Variants in TMEM266 observed in about 807,000 individuals in gnomAD.
TMEM266 encodes Hv1 related protein 1.
In TMEM266, 33 loss-of-function variants were observed where a neutral mutation model predicts 50.5. The ratio of observed to expected loss-of-function variants is 0.65; its 90% confidence interval spans 0.50 to 0.87. The LOEUF is 0.87. TMEM266 is among the 40% of genes least tolerant of loss of function. The pLI is 0.00. For missense variants in TMEM266, 655 were observed against 695.1 expected (o/e 0.94, Z 0.65); for synonymous variants, 310 against 292.3 (o/e 1.06, Z -0.62).
At chr15:76,111,623 G>A (rs1473620022) in intron 1 of TMEM266, among the ~76,000 whole-genome samples, 2 of 151,638 alleles carry the variant, frequency 1.3e-5, no homozygotes, top group African/African-American at 4.9e-5. Context: ...GGGCAGGCTG[G>A]TCTCTAACTC....
intron 1 of TMEM266, among the ~76,000 whole-genome samples, chr15:76,130,252 AAACC>A (rs2037487668): frequency 1.1e-5 from 1 of 87,556 alleles, no homozygotes. Flanking sequence ...AAAAAAAAAA[AAACC>A]GCCGGGTGCA....
At chr15:76,192,783 T>C (rs1193282269) in intron 9 of TMEM266, among the ~76,000 whole-genome samples, 1 of 152,338 alleles carries the variant, frequency 6.6e-6, no homozygotes, top group African/African-American at 2.4e-5. Flanking sequence ...AGTTATGTGA[T>C]GGGACTCTCT....
intron 1 of TMEM266, among the ~76,000 whole-genome samples, chr15:76,079,831 T>C (rs549560567): frequency 1.8e-4 from 20 of 108,266 alleles, no homozygotes; most frequent in African/African-American, 6.7e-4. Flanking sequence ...TTTAGGGCGG[T>C]GGGGGGGTGG....
intron 8 of TMEM266, among the ~76,000 whole-genome samples, chr15:76,182,042 T>C (rs2038417903): frequency 6.6e-6 from 1 of 152,144 alleles, no homozygotes; most frequent in Non-Finnish European, 1.5e-5. Context: ...CAATCCGGGG[T>C]GACTCAAGGT....
intron 4 of TMEM266, 131 bp downstream of exon 4, chr15:76,156,889 C>A: frequency 1.0e-6 from 1 of 956,248 alleles, no homozygotes; most frequent in Non-Finnish European, 1.6e-6. Context: ...AGCCTCAGGC[C>A]CTGGGGCTCA....
At chr15:76,109,607 G>A (rs1043108286) in intron 1 of TMEM266, among the ~76,000 whole-genome samples, 8 of 152,152 alleles carry the variant, frequency 5.3e-5, no homozygotes, top group African/African-American at 1.4e-4. Flanking sequence ...GGCTCCATGA[G>A]CCATGATCCT....
intron 4 of TMEM266, among the ~76,000 whole-genome samples, chr15:76,159,859 A>G (rs182106817): frequency 9.2e-4 from 140 of 151,990 alleles, no homozygotes; most frequent in African/African-American, 3.0e-3. Flanking sequence ...AGAAGGAGGC[A>G]GTCCCTTGCG....
At chr15:76,191,926 G>GCC in intron 8 of TMEM266, 42 bp from the exon 9 acceptor site, 1 of 1,522,244 alleles carries the variant, frequency 6.6e-7, no homozygotes, top group Non-Finnish European at 8.7e-7. Flanking sequence ...GCCCCCGCCG[G>GCC]CCCCTCGCCG....
Position 76,169,251 on chromosome 15 carries a change from C to G in TMEM266, c.457-565C>G, listed in dbSNP as rs1343511678. ...GTAGTCACAAGGCCACTCCCAGATG[C>G]AAGGAGGGCTGGGAAATGTAGTCTT... On this transcript the variant is annotated intron_variant, in intron 5 of 10. Transcript: ENST00000388942. Among the ~76,000 whole-genome samples the G allele has an allele frequency of 2.0e-5, 3 of 152,030 alleles. No homozygotes were observed. The East Asian group carries it at 5.8e-4, about 29-fold the overall frequency.
At chr15:76,166,491 C>T (rs948123795) in intron 5 of TMEM266, among the ~76,000 whole-genome samples, 2 of 152,196 alleles carry the variant, frequency 1.3e-5, no homozygotes, top group Non-Finnish European at 1.5e-5. Flanking sequence ...GGGAAGGCAG[C>T]GGCTGGGATT....
chr15:76,084,422 A>G (rs750293217), intron 1 of TMEM266, among the ~76,000 whole-genome samples: 9 of 152,240 alleles, frequency 5.9e-5, no homozygotes, highest in Non-Finnish European at 1.0e-4. Context: ...CAAAGATGTA[A>G]AAAGACTTCA....
At chr15:76,094,550 G>C (rs1158868175) in intron 1 of TMEM266, among the ~76,000 whole-genome samples, 1 of 152,084 alleles carries the variant, frequency 6.6e-6, no homozygotes. Flanking sequence ...CAGGTGGCAT[G>C]ATGCCTCCAG....
intron 6 of TMEM266, among the ~76,000 whole-genome samples, chr15:76,170,754 AAG>A (rs2038174614): frequency 6.6e-6 from 1 of 152,152 alleles, no homozygotes; most frequent in Admixed American, 6.5e-5. Context: ...CATCTGAACT[AAG>A]GGCTGGAGAT....
chr15:76,167,451 CAG>C (rs796407696), intron 5 of TMEM266, among the ~76,000 whole-genome samples: 8 of 133,078 alleles, frequency 6.0e-5, no homozygotes, highest in African/African-American at 2.3e-4. Context: ...ACCTGGGCGA[CAG>C]AGTGAGACTG....
intron 8 of TMEM266, among the ~76,000 whole-genome samples, chr15:76,182,933 G>A (rs912761235): frequency 1.3e-5 from 2 of 152,004 alleles, no homozygotes; most frequent in African/African-American, 4.8e-5. Context: ...TAGTTAGGGT[G>A]AGTAACACCA....
At chr15:76,062,372 T>C (rs915646728) in intron 1 of TMEM266, among the ~76,000 whole-genome samples, 2 of 152,264 alleles carry the variant, frequency 1.3e-5, no homozygotes, top group African/African-American at 4.8e-5. Context: ...GTTACCTTTT[T>C]CATTACACTG....
chr15:76,137,653 AT>A lies in TMEM266; in HGVS notation c.39-48del, dbSNP rs138484129. On this transcript the variant is annotated intron_variant, in intron 2 of 10. Transcript: ENST00000388942. ...CCTCCTTTCCTTGAGGAATGGAAGA[AT>A]TTTTTGGCCCTTGAAGATAACTCTT... The A allele has an allele frequency of 1.0e-3, 1,596 of 1,552,398 alleles. 30 individuals carry two copies. The East Asian group carries it at 0.032, about 31-fold the overall frequency.
chr15:76,102,889 A>G (rs1183619806), intron 1 of TMEM266, among the ~76,000 whole-genome samples: 2 of 151,358 alleles, frequency 1.3e-5, no homozygotes, highest in Non-Finnish European at 2.9e-5. Flanking sequence ...AGAGGTTAAC[A>G]CAGAGGAAAG....
chr15:76,104,669 C>T (rs1206471838), intron 1 of TMEM266, among the ~76,000 whole-genome samples: 1 of 151,934 alleles, frequency 6.6e-6, no homozygotes, highest in African/African-American at 2.4e-5. Context: ...GAGGTTTGCT[C>T]GTGATTGCTC....
Sources: allele counts gnomAD v4.1 joint callset (sites outside exome capture counted in the v4.1 genomes callset), GRCh38; gene constraint gnomAD v4.1.1; transcripts MANE v1.5; gene names NCBI Gene and HGNC (gene_info 2026-07-23, HGNC 2026-07-21).